Variants in LRP4 observed in about 807,000 individuals in gnomAD.
The protein encoded by LRP4 is LDL receptor related protein 4, also known as low-density lipoprotein receptor-related protein 4.
Under a neutral mutation model 220.3 loss-of-function variants are expected in LRP4, and 95 were observed. The ratio of observed to expected loss-of-function variants is 0.43; its 90% confidence interval spans 0.37 to 0.51. The LOEUF (loss-of-function observed/expected upper bound fraction) is 0.51. Among genes scored for constraint, LRP4 ranks in the 20% least tolerant of loss-of-function variants. The pLI is 0.00. For synonymous variants in LRP4, 903 were observed against 954.6 expected, an observed-to-expected ratio of 0.95 and a Z score of 1.00; for missense variants, 1,925 against 2,567.0, an observed-to-expected ratio of 0.75 and a Z score of 5.40.
At position 46,901,847 on chromosome 11, in the gene LRP4, C is replaced by T. The variant is rs571327183; in HGVS notation, c.199+936G>A. Reference sequence around the variant, plus strand: ...TCCCGGGTTTACACCATTCTCCTGCCTCAGCCTCCCAAGTAGCTGGGACCT... The same window carrying T: ...TCCCGGGTTTACACCATTCTCCTGCTTCAGCCTCCCAAGTAGCTGGGACCT... On this transcript the variant is annotated intron_variant, in intron 2 of 37. Transcript: ENST00000378623. 1.1e-4 allele frequency among the ~76,000 whole-genome samples: 16 copies of T among 152,160 alleles called. No individual in the cohort carries two copies. The East Asian group carries it at 3.1e-3, about 30-fold the overall frequency.
At position 46,890,364 on chromosome 11, in the gene LRP4, G is replaced by A. The variant is rs150253578; in HGVS notation, c.1828C>T (p.Arg610Cys). 5.1e-4 allele frequency: 826 copies of A among 1,614,124 alleles called. 5 individuals carry two copies. The African/African-American group carries it at 9.1e-3, about 18-fold the overall frequency. ...TTAGCATCCACCCAGTACATACGGC[G>A]CCCGGCATAGTCGATGGTGAGGCCA... ...PNGLTIDYAG[R>C]RMYWVDAKHH... The change falls in exon 14 of 38, where the codon CGC becomes TGC. Residue 610 changes from arginine (R) to cysteine (C), a missense_variant. By Grantham distance (180) the Arg-to-Cys change is radical. Around this residue, in one of 3 missense-constraint regions of LRP4, gnomAD observed 269 missense variants for 436.7 expected, o/e 0.62. Transcript: ENST00000378623. The surrounding 1 kb of genome is among the most constrained non-coding windows in gnomAD (Gnocchi z 5.3).
rs1940969474 is a variant in LRP4 at position 46,874,994 on chromosome 11, C to T, written c.4035G>A (p.Gly1345=). 6.2e-7 allele frequency: 1 copy of T among 1,614,040 alleles called. No individual in the cohort carries two copies. The highest frequency in any genetic ancestry group is 8.5e-7 in the Non-Finnish European group (1 of 1,180,028). Residue 1345 remains glycine, a synonymous_variant, in exon 28 of 38, where the codon GGG becomes GGA. Transcript: ENST00000378623. ...CPTGIQLKGD[G]KTCDPSPETY... ...TCTCAGGAGAGGGATCACAGGTCTT[C>T]CCATCTCCCTTCAGCTGGATGCCAG...
intron 1 of LRP4, among the ~76,000 whole-genome samples, chr11:46,911,785 T>A (rs1565807434): frequency 6.6e-6 from 1 of 151,502 alleles, no homozygotes. Context: ...TTACTCACTA[T>A]TTGTATGACA....
At chr11:46,913,784 T>A (rs1197245722) in intron 1 of LRP4, among the ~76,000 whole-genome samples, 1 of 152,138 alleles carries the variant, frequency 6.6e-6, no homozygotes, top group African/African-American at 2.4e-5. Context: ...CCCAGACCTC[T>A]CTCAAGAGAA....
At position 46,889,422 on chromosome 11, in the gene LRP4, G is replaced by A. The variant is rs779718508; in HGVS notation, c.2204C>T (p.Ala735Val). ...PTGFRKISSH[A>V]CAQSLDKFLL... ...GCAGACCCACTTACTCTGGGCACAGGCGTGGCTGCTGATCTTGCGGAAGCC... is the reference window on the plus strand; with the variant it reads ...GCAGACCCACTTACTCTGGGCACAGACGTGGCTGCTGATCTTGCGGAAGCC... Residue 735 changes from alanine to valine, a missense_variant, in exon 16 of 38, where the codon GCC (alanine) becomes GTC (valine). Physicochemically the swap from Ala to Val is moderately conservative, Grantham distance 64 (BLOSUM62 0). This residue lies in a region of LRP4 where 1,244 missense variants were observed against 1,624.9 expected (regional missense o/e 0.77). Transcript: ENST00000378623. The A allele has an allele frequency of 4.3e-6, 7 of 1,614,056 alleles. No homozygotes were observed. Among genetic ancestry groups the A allele is most frequent in the Non-Finnish European group, 5.1e-6 (6 of 1,180,020 alleles).
Position 46,858,328 on chromosome 11 carries a change from C to G in LRP4, c.*655G>C, listed in dbSNP as rs1239795322. On this transcript the variant is annotated 3_prime_UTR_variant, in exon 38 of 38. Transcript: ENST00000378623. Reference sequence around the variant, plus strand: ...AACAGCCTGAGCCACCCCCATCTCACCAGTATCTGCTGCTGAAAAGGCAGT... The same window carrying G: ...AACAGCCTGAGCCACCCCCATCTCAGCAGTATCTGCTGCTGAAAAGGCAGT... The G allele has an allele frequency of 6.2e-6, 1 of 160,762 alleles. No homozygotes were observed. The highest frequency in any genetic ancestry group is 1.4e-5 in the Non-Finnish European group (1 of 72,284). The allele number at this position is 160,762 out of a possible 1,614,324, so 10.0% of individuals were successfully genotyped here. A position where few individuals can be genotyped will look rare whatever the true frequency, so the allele number is the denominator to read the frequency against.
At chr11:46,904,480 CATGG>C (rs60333801) in intron 1 of LRP4, among the ~76,000 whole-genome samples, 13 of 151,130 alleles carry the variant, frequency 8.6e-5, no homozygotes, top group Admixed American at 2.6e-4. Context: ...GCCTGCAATG[CATGG>C]ATGGATGGAT....
chr11:46,896,231 C>T lies in LRP4; in HGVS notation c.1027G>A (p.Glu343Lys), dbSNP rs1941528869. 4.3e-6 allele frequency: 7 copies of T among 1,613,944 alleles called. No homozygotes were observed. Among genetic ancestry groups the T allele is most frequent in the Non-Finnish European group, 5.9e-6 (7 of 1,180,062 alleles). ...GVNDCGDNSD[E>K]SPQQNCRPRT... ...TCACGGCAATTCTGCTGTGGGCTTT[C>T]GTCGCTGTTGTCACCACAGTCGTTG... Residue 343 changes from glutamate (E) to lysine (K), a missense_variant, in exon 9 of 38, where the codon GAA (glutamate) becomes AAA (lysine). Transcript: ENST00000378623.
chr11:46,889,345 T>G, intron 16 of LRP4, 66 bp downstream of exon 16: 4 of 1,603,616 alleles, frequency 2.5e-6, no homozygotes, highest in Non-Finnish European at 2.6e-6. Flanking sequence ...CCACGTCCTA[T>G]CCCTTGTTCC....
At chr11:46,905,148 G>A (rs1027891064) in intron 1 of LRP4, among the ~76,000 whole-genome samples, 2 of 152,054 alleles carry the variant, frequency 1.3e-5, no homozygotes, top group East Asian at 1.9e-4. Flanking sequence ...TCTTCCCCAG[G>A]AAGCACTAAA....
intron 22 of LRP4, among the ~76,000 whole-genome samples, chr11:46,877,740 T>C (rs1315246094): frequency 6.6e-6 from 1 of 152,160 alleles, no homozygotes; most frequent in Non-Finnish European, 1.5e-5. Flanking sequence ...AGTGCTGGGA[T>C]TACAGGCATG....
Position 46,878,887 on chromosome 11 carries a change from T to C in LRP4, c.3136+20A>G. The stretch of plus-strand genomic sequence containing the variant: ...CCCTCCCAGAGAGGCTGCATCTAGA[T>C]CTGTGATGCTTTCACTCACCTGGTG... On this transcript the variant is annotated intron_variant, in intron 22 of 37. Transcript: ENST00000378623. 6.2e-7 allele frequency: 1 copy of C among 1,613,888 alleles called. No individual in the cohort carries two copies. The highest frequency in any genetic ancestry group is 8.5e-7 in the Non-Finnish European group (1 of 1,180,004).
At position 46,873,435 on chromosome 11, in the gene LRP4, T is replaced by C. The variant is rs756223904; in HGVS notation, c.4388A>G (p.Lys1463Arg). The C allele has an allele frequency of 1.9e-6, 3 of 1,614,072 alleles. No homozygotes were observed. The highest frequency in any genetic ancestry group is 2.5e-6 in the Non-Finnish European group (3 of 1,180,056). ...EASRLDGSCR[K>R]VLINNSLDEP... is the part of the protein sequence containing the mutation. ...ATCCAGGCTATTGTTGATCAGTACTTTGCGGCAGGAACCATCCAGCCTGGA... is the reference window on the plus strand; with the variant it reads ...ATCCAGGCTATTGTTGATCAGTACTCTGCGGCAGGAACCATCCAGCCTGGA... The change falls in exon 29 of 38, where the codon AAA becomes AGA. Residue 1463 changes from lysine (K) to arginine (R), a missense_variant. Physicochemically the swap from Lys to Arg is conservative, Grantham distance 26. Transcript: ENST00000378623. This position sits in a 1 kb window ranked among gnomAD's most constrained non-coding sequence, Gnocchi z 4.2.
intron 1 of LRP4, among the ~76,000 whole-genome samples, chr11:46,915,321 C>T (rs1386646895): frequency 1.3e-5 from 2 of 152,286 alleles, no homozygotes; most frequent in African/African-American, 4.8e-5. Flanking sequence ...TTAACATTTC[C>T]CTTACCTGGA....
intron 37 of LRP4, chr11:46,860,801 A>G (rs1242362446): frequency 5.7e-6 from 1 of 176,920 alleles, no homozygotes; most frequent in East Asian, 1.9e-4. Flanking sequence ...AGATGAAATT[A>G]GTATAAGATG....
chr11:46,906,329 G>A (rs1313386299), intron 1 of LRP4, among the ~76,000 whole-genome samples: 6 of 151,824 alleles, frequency 4.0e-5, no homozygotes, highest in South Asian at 2.1e-4. Context: ...GGTGGCGCAC[G>A]CCTGTAGTCC....
chr11:46,884,720 G>A (rs1416153800), intron 18 of LRP4, among the ~76,000 whole-genome samples: 1 of 120,444 alleles, frequency 8.3e-6, no homozygotes, highest in Non-Finnish European at 1.6e-5. Flanking sequence ...CTGGGGGACA[G>A]AGTGAGACTC....
chr11:46,916,749 A>C (rs1941951942), intron 1 of LRP4, among the ~76,000 whole-genome samples: 1 of 151,598 alleles, frequency 6.6e-6, no homozygotes, highest in African/African-American at 2.4e-5. Context: ...GATCTTTTTC[A>C]AAACTTCCTC....
rs144819885 is a variant in LRP4 at position 46,890,424 on chromosome 11, G to A, written c.1768C>T (p.Arg590Cys). 24 of 1,613,994 alleles carry A rather than the reference G, an allele frequency of 1.5e-5. No homozygotes were observed. Among genetic ancestry groups the A allele is most frequent in the Non-Finnish European group, 2.0e-5 (24 of 1,180,008 alleles). ...AAGAGATGGGTATCGGCAATGATGC[G>A]GCGTCCAGAGCCATCCATGCTGGAG... ...EASSMDGSGR[R>C]IIADTHLFWP... Residue 590 changes from arginine to cysteine, a missense_variant, in exon 14 of 38, where the codon CGC (arginine) becomes TGC (cysteine). Coordinates refer to ENST00000378623, the MANE Select transcript of LRP4 (RefSeq NM_002334.4). This position sits in a 1 kb window ranked among gnomAD's most constrained non-coding sequence, Gnocchi z 5.3.
Sources: gnomAD v4.1 joint callset for allele counts (sites outside exome capture counted in the v4.1 genomes callset) on GRCh38, gnomAD v4.1.1 for gene constraint, gnomAD v4.1.1 regional missense constraint, Gnocchi (gnomAD v3.1) non-coding constraint, MANE v1.5 for transcripts, NCBI Gene and HGNC (gene_info 2026-07-23, HGNC 2026-07-21) for gene names.